BEND4: variants seen among roughly 807,000 people sequenced by gnomAD.
BEND4 encodes BEN domain containing 4.
BEND4 carries 27 observed loss-of-function variants against 54.7 expected under a neutral mutation model. That is an observed-to-expected ratio of 0.49 (90% CI 0.36 to 0.68). The LOEUF is 0.68. BEND4 is among the 30% of genes least tolerant of loss of function. The pLI is 0.00. For synonymous variants in BEND4, 327 were observed against 299.5 expected, an observed-to-expected ratio of 1.09 and a Z score of -0.95; for missense variants, 702 against 697.2, an observed-to-expected ratio of 1.01 and a Z score of -0.08.
Position 42,152,395 on chromosome 4 carries a change from TAA to T in BEND4, c.-233-21_-233-20del, listed in dbSNP as rs1213215039. The T allele has an allele frequency of 1.5e-5, 4 of 266,156 alleles. No individual in the cohort carries two copies. Among genetic ancestry groups the T allele is most frequent in the African/African-American group, 2.3e-5 (1 of 44,340 alleles). The allele number at this position is 266,156 out of a possible 1,614,324, so 16.5% of individuals were successfully genotyped here. A position where few individuals can be genotyped will look rare whatever the true frequency, so the allele number is the denominator to read the frequency against. On this transcript the variant is annotated intron_variant, in intron 1 of 5. Transcript: ENST00000502486. ...CCAATGCCTGGAGGGAGAAAGGAGG[TAA>T]AGAGCAAGTGTTTAGGGTAATATCT...
rs1719587050 is a variant in BEND4 at position 42,111,928 on chromosome 4, G to C, written c.*5590C>G. ...TTTAATTTACCTACTTTTAAAAAAA[G>C]TTTTCTGGTCTTCATCATAGGATCT... On this transcript the variant is annotated 3_prime_UTR_variant, in exon 6 of 6. Transcript: ENST00000502486. 2 of 152,180 alleles carry C rather than the reference G, an allele frequency of 1.3e-5. No individual in the cohort carries two copies. The highest frequency in any genetic ancestry group is 6.5e-5 in the Admixed American group (1 of 15,272). The allele number at this position is 152,180 out of a possible 1,614,324, so 9.4% of individuals were successfully genotyped here. A position where few individuals can be genotyped will look rare whatever the true frequency, so the allele number is the denominator to read the frequency against.
At position 42,143,528 on chromosome 4, in the gene BEND4, GTCC is replaced by G. The variant is rs762489335; in HGVS notation, c.951_953del (p.Glu317del). 1.2e-4 allele frequency: 182 copies of G among 1,548,444 alleles called. No homozygotes were observed. The East Asian group carries it at 2.6e-3, about 22-fold the overall frequency. On this transcript the variant is annotated inframe_deletion, in exon 3 of 6. Transcript: ENST00000502486. Reference sequence around the variant, plus strand: ...GGCATCGAGGACAATAGCCTTCCTCGTCCTCCTCCTCCTCCTCTTCTGGCAGTG... The same window carrying G: ...GGCATCGAGGACAATAGCCTTCCTCGTCCTCCTCCTCCTCTTCTGGCAGTG...
chr4:42,137,620 A>C (rs1264131434), intron 3 of BEND4, among the ~76,000 whole-genome samples: 1 of 152,188 alleles, frequency 6.6e-6, no homozygotes, highest in Non-Finnish European at 1.5e-5. Context: ...CAAAAGCAAA[A>C]ATTTTAAACA....
At chr4:42,148,730 G>C (rs1313992141) in intron 2 of BEND4, among the ~76,000 whole-genome samples, 1 of 152,184 alleles carries the variant, frequency 6.6e-6, no homozygotes, top group Admixed American at 6.5e-5. Context: ...TAAAGAGAAT[G>C]ACCTATGCAA....
Position 42,152,157 on chromosome 4 carries a change from G to A in BEND4, c.-14C>T. 8.1e-7 allele frequency: 1 copy of A among 1,241,598 alleles called. No individual in the cohort carries two copies. The highest frequency in any genetic ancestry group is 1.0e-6 in the Non-Finnish European group (1 of 984,802). The allele number at this position is 1,241,598 out of a possible 1,614,324, so 76.9% of individuals were successfully genotyped here. ...CTCTTCCTCCATCCGGCGCCTCGGGGCCGGTCCCTCGGAGCACGTCCCCTC... is the reference window on the plus strand; with the variant it reads ...CTCTTCCTCCATCCGGCGCCTCGGGACCGGTCCCTCGGAGCACGTCCCCTC... On this transcript the variant is annotated 5_prime_UTR_variant, in exon 2 of 6. Coordinates refer to ENST00000502486, the MANE Select transcript of BEND4 (RefSeq NM_207406.4).
chr4:42,144,096 T>C (rs1577767358), intron 2 of BEND4, 102 bp from the exon 3 acceptor site: 3 of 831,110 alleles, frequency 3.6e-6, no homozygotes, highest in Non-Finnish European at 6.0e-6. Context: ...TAAAAATATG[T>C]ATTTCTACTG....
chr4:42,151,671 A>C lies in BEND4; in HGVS notation c.473T>G (p.Leu158Arg). 6.8e-7 allele frequency: 1 copy of C among 1,476,870 alleles called. No individual in the cohort carries two copies. Among genetic ancestry groups the C allele is most frequent in the Non-Finnish European group, 9.0e-7 (1 of 1,113,330 alleles). The allele number at this position is 1,476,870 out of a possible 1,614,324, so 91.5% of individuals were successfully genotyped here. A position where few individuals can be genotyped will look rare whatever the true frequency, so the allele number is the denominator to read the frequency against. The change falls in exon 2 of 6, where the codon CTG (leucine) becomes CGG (arginine). Residue 158 changes from leucine to arginine, a missense_variant. By Grantham distance (102) the Leu-to-Arg change is moderately radical. Transcript: ENST00000502486. ...AGAGTTGGTACCTGCGCTGAGCTCCAGGCTGGCGCTGTCGCTACCCGTGCC... is the reference window on the plus strand; with the variant it reads ...AGAGTTGGTACCTGCGCTGAGCTCCCGGCTGGCGCTGTCGCTACCCGTGCC... The part of the protein sequence containing the change: ...TGGTGSDSAS[L>R]ELSAESRMIL...
intron 3 of BEND4, among the ~76,000 whole-genome samples, chr4:42,134,720 G>C (rs531897440): frequency 5.9e-5 from 9 of 152,344 alleles, no homozygotes; most frequent in African/African-American, 2.2e-4. Context: ...CGAACTGTGG[G>C]AAGCATTTGT....
chr4:42,144,253 G>A (rs1282068727), intron 2 of BEND4, among the ~76,000 whole-genome samples: 2 of 152,154 alleles, frequency 1.3e-5, no homozygotes, highest in Non-Finnish European at 2.9e-5. Context: ...GCACCATATA[G>A]AGATTTCCCT....
Position 42,152,212 on chromosome 4 carries a change from TCCGCCGCCTGC to T in BEND4, c.-80_-70del. ...CCGGGCGCCGGGCTCCGAGGGTGCC[TCCGCCGCCTGC>T]CCGCCGGGTCTGCCCTGGTGCGCGC... On this transcript the variant is annotated 5_prime_UTR_variant, in exon 2 of 6. Transcript: ENST00000502486. 1 of 1,220,592 alleles carries T rather than the reference TCCGCCGCCTGC, an allele frequency of 8.2e-7. No individual in the cohort carries two copies. Among genetic ancestry groups the T allele is most frequent in the East Asian group, 3.3e-5 (1 of 30,464 alleles). The allele number at this position is 1,220,592 out of a possible 1,614,324, so 75.6% of individuals were successfully genotyped here. A position where few individuals can be genotyped will look rare whatever the true frequency, so the allele number is the denominator to read the frequency against.
intron 4 of BEND4, among the ~76,000 whole-genome samples, chr4:42,121,256 T>C (rs903630788): frequency 6.6e-6 from 1 of 152,214 alleles, no homozygotes; most frequent in African/African-American, 2.4e-5. Flanking sequence ...AAGTGCTCTG[T>C]TGAGTTAAAC....
rs751680687 is a variant in BEND4 at position 42,143,822 on chromosome 4, C to T, written c.660G>A (p.Gly220=). 1 of 1,586,664 alleles carries T rather than the reference C, an allele frequency of 6.3e-7. No homozygotes were observed. Among genetic ancestry groups the T allele is most frequent in the Admixed American group, 1.8e-5 (1 of 56,546 alleles). The change falls in exon 3 of 6, where the codon GGG becomes GGA. Residue 220 remains glycine, a synonymous_variant. Coordinates refer to ENST00000502486, the MANE Select transcript of BEND4 (RefSeq NM_207406.4). ...ERQEHCHIGK[G]VHSQTSDNVD... ...CATTGTCTGAGGTCTGACTGTGGAC[C>T]CCTTTCCCAATGTGACAGTGCTCCT...
rs1719879161 is a variant in BEND4, at chr4:42,117,353, T to C, written c.*165A>G. 1 of 586,088 alleles carries C rather than the reference T, an allele frequency of 1.7e-6. No individual in the cohort carries two copies. The allele number at this position is 586,088 out of a possible 1,614,324, so 36.3% of individuals were successfully genotyped here. On this transcript the variant is annotated 3_prime_UTR_variant, in exon 6 of 6. Transcript: ENST00000502486. ...AAAGTCTGTTGTAGGTGCCACAGAC[T>C]TCCCAAACAACCCTAAAATGGATTT...
chr4:42,122,230 T>A (rs914082790), intron 4 of BEND4, among the ~76,000 whole-genome samples: 7 of 152,342 alleles, frequency 4.6e-5, no homozygotes, highest in Non-Finnish European at 4.4e-5. Flanking sequence ...ATTCCTCAGC[T>A]GGGCTCTGGG....
At position 42,116,852 on chromosome 4, in the gene BEND4, T is replaced by C. The variant is rs1719857848; in HGVS notation, c.*666A>G. 1 of 152,190 alleles carries C rather than the reference T, an allele frequency of 6.6e-6. No individual in the cohort carries two copies. The highest frequency in any genetic ancestry group is 2.1e-4 in the South Asian group (1 of 4,832). The allele number at this position is 152,190 out of a possible 1,614,324, so 9.4% of individuals were successfully genotyped here. ...ATGTTTCTTGACTAACAATGAAAAA[T>C]GACTACTGTTTGTAAACTCCAGAGA... On this transcript the variant is annotated 3_prime_UTR_variant, in exon 6 of 6. Transcript: ENST00000502486.
At chr4:42,142,848 A>G (rs548145844) in intron 3 of BEND4, among the ~76,000 whole-genome samples, 1 of 152,288 alleles carries the variant, frequency 6.6e-6, no homozygotes, top group South Asian at 2.1e-4. Flanking sequence ...CTATTAGGAC[A>G]GTGTATATGC....
intron 3 of BEND4, among the ~76,000 whole-genome samples, chr4:42,134,024 A>T (rs992269028): frequency 6.6e-6 from 1 of 152,202 alleles, no homozygotes; most frequent in African/African-American, 2.4e-5. Context: ...GAGGCCACTT[A>T]ATTGACTCTG....
chr4:42,136,719 C>T (rs1207312509), intron 3 of BEND4, among the ~76,000 whole-genome samples: 1 of 152,084 alleles, frequency 6.6e-6, no homozygotes, highest in Non-Finnish European at 1.5e-5. Flanking sequence ...TTCAAATGGC[C>T]CCAGTTGTAG....
chr4:42,150,789 G>A (rs1577773155), intron 2 of BEND4, among the ~76,000 whole-genome samples: 1 of 152,334 alleles, frequency 6.6e-6, no homozygotes, highest in East Asian at 1.9e-4. Flanking sequence ...GAGAGGAGTC[G>A]CGGACCCCAG....
Sources: allele counts gnomAD v4.1 joint callset (sites outside exome capture counted in the v4.1 genomes callset), GRCh38; gene constraint gnomAD v4.1.1; transcripts MANE v1.5; gene names NCBI Gene and HGNC (gene_info 2026-07-23, HGNC 2026-07-21).